OPRM1: variants seen among roughly 807,000 people sequenced by gnomAD.
OPRM1 encodes mu-type opioid receptor.
A neutral mutation model predicts 31.8 loss-of-function variants in OPRM1; 27 were observed. The observed-to-expected ratio is 0.85, with a 90% CI of 0.63 to 1.17. The LOEUF is 1.17. Among genes scored for constraint, OPRM1 ranks in the 50% most tolerant of loss-of-function variants. The pLI is 0.00. For synonymous variants in OPRM1, 196 were observed against 189.9 expected (o/e 1.03, Z -0.26); for missense variants, 536 against 511.1 (o/e 1.05, Z -0.47).
chr6:154,152,902 ATTTT>A (rs34724351), intron 3 of OPRM1, among the ~76,000 whole-genome samples: 11 of 143,898 alleles, frequency 7.6e-5, no homozygotes, highest in African/African-American at 2.3e-4. Context: ...ACACCTAGCT[ATTTT>A]TTTTTTTTTT....
chr6:154,109,421 A>G (rs1308487453), intron 3 of OPRM1, among the ~76,000 whole-genome samples: 1 of 152,228 alleles, frequency 6.6e-6, no homozygotes, highest in African/African-American at 2.4e-5. Flanking sequence ...CAACTTGATG[A>G]GTTTAGAATT....
At chr6:154,087,550 G>A in intron 1 of OPRM1, 1 of 985,448 alleles carries the variant, frequency 1.0e-6, no homozygotes, top group Non-Finnish European at 1.2e-6. Context: ...AGCTCCTCCA[G>A]CAACTACATA....
chr6:154,143,206 C>T (rs1798267138), intron 3 of OPRM1, among the ~76,000 whole-genome samples: 1 of 152,086 alleles, frequency 6.6e-6, no homozygotes, highest in African/African-American at 2.4e-5. Context: ...GTAAGCCAAA[C>T]TGCTTATGTG....
intron 3 of OPRM1, among the ~76,000 whole-genome samples, chr6:154,190,650 C>T (rs1801791742): frequency 6.6e-6 from 1 of 152,166 alleles, no homozygotes; most frequent in South Asian, 2.1e-4. Context: ...AGCAATTGTA[C>T]TCATTGCTAT....
rs114255251 is a variant in OPRM1 at position 154,097,611 on chromosome 6, G to A, written c.1164+6139G>A. On this transcript the variant is annotated intron_variant, in intron 3 of 3. Transcript: ENST00000330432. ...CGTGTGTGTGTGTGTGTGTGTGTGC[G>A]TGTGATATAGGCATGTCTCTTTTTG... Among the ~76,000 whole-genome samples, 1,325 of 152,098 alleles carry A rather than the reference G, an allele frequency of 8.7e-3. 21 individuals carry two copies. The highest frequency in any genetic ancestry group is 0.03 in the African/African-American group (1,254 of 41,500).
chr6:154,197,934 T>C, intron 3 of OPRM1, among the ~76,000 whole-genome samples: 1 of 152,224 alleles, frequency 6.6e-6, no homozygotes, highest in Non-Finnish European at 1.5e-5. Context: ...TTATTTTCTT[T>C]AGTTTCACCA....
intron 1 of OPRM1, among the ~76,000 whole-genome samples, chr6:154,065,612 G>A (rs1178081808): frequency 6.6e-6 from 1 of 152,052 alleles, no homozygotes; most frequent in Non-Finnish European, 1.5e-5. Flanking sequence ...TGTTGACTTT[G>A]TATTCTGCTA....
At chr6:154,029,410 T>A (rs1321239372) in intron 1 of OPRM1, among the ~76,000 whole-genome samples, 1 of 152,206 alleles carries the variant, frequency 6.6e-6, no homozygotes, top group Non-Finnish European at 1.5e-5. Flanking sequence ...AAAAAATTCA[T>A]AAACCTATTT....
At chr6:154,092,077 T>C (rs1294047246) in intron 3 of OPRM1, 3 of 229,016 alleles carry the variant, frequency 1.3e-5, no homozygotes, top group African/African-American at 7.0e-5. Context: ...TATTAATATG[T>C]GAATATTAAT....
intron 3 of OPRM1, among the ~76,000 whole-genome samples, chr6:154,109,767 C>CCTCTCTCTCTCTCT (rs60360261): frequency 7.8e-6 from 1 of 127,510 alleles, no homozygotes; most frequent in African/African-American, 3.0e-5. Context: ...ACTCTCTCTC[C>CCTCTCTCTCTCTCT]CTCTCTCTCT....
At chr6:154,166,310 T>C (rs1799425008) in intron 3 of OPRM1, among the ~76,000 whole-genome samples, 1 of 152,208 alleles carries the variant, frequency 6.6e-6, no homozygotes, top group African/African-American at 2.4e-5. Context: ...GAGGGCATGG[T>C]GCCGTAAAGA....
chr6:154,161,868 A>G (rs1799049113), intron 3 of OPRM1, among the ~76,000 whole-genome samples: 1 of 152,202 alleles, frequency 6.6e-6, no homozygotes, highest in Non-Finnish European at 1.5e-5. Context: ...AACCACTGCC[A>G]GTAAGTGGAT....
chr6:154,192,304 T>C (rs549993970), intron 3 of OPRM1, among the ~76,000 whole-genome samples: 165 of 136,254 alleles, frequency 1.2e-3, no homozygotes, highest in African/African-American at 4.1e-3. Flanking sequence ...ACCCAAATGG[T>C]GGCCACGTGG....
At chr6:154,110,908 A>AAG (rs1167440027) in intron 3 of OPRM1, among the ~76,000 whole-genome samples, 3 of 110,612 alleles carry the variant, frequency 2.7e-5, no homozygotes, top group Non-Finnish European at 4.6e-5. Context: ...AAAAAAAAAA[A>AAG]AGAGAGAATT....
chr6:154,157,907 A>G (rs1210655101), intron 3 of OPRM1: 1 of 151,688 alleles, frequency 6.6e-6, no homozygotes, highest in African/African-American at 2.4e-5. Flanking sequence ...TGAGGATCTG[A>G]ATGTTCTCTC....
At chr6:154,032,609 G>C (rs1779076360) in intron 1 of OPRM1, among the ~76,000 whole-genome samples, 1 of 151,916 alleles carries the variant, frequency 6.6e-6, no homozygotes, top group African/African-American at 2.4e-5. Flanking sequence ...ATAATTTTTT[G>C]TTTTTGTAGA....
chr6:154,087,347 CCAACAG>C (rs1310530859), intron 1 of OPRM1: 21 of 985,322 alleles, frequency 2.1e-5, no homozygotes, highest in Non-Finnish European at 2.5e-5. Context: ...GGGCCTCCAA[CCAACAG>C]CTGTCTTGGG....
chr6:154,131,253 G>T lies in OPRM1; in HGVS notation c.*12532G>T, dbSNP rs764767938. ...TCCGTAGGAAAAAAATCAAAATATT[G>T]TAAAGAATCTGAGTAAATGAGAGCC... On this transcript the variant is annotated 3_prime_UTR_variant, in exon 4 of 4. Transcript: ENST00000330432. Among the ~76,000 whole-genome samples the T allele has an allele frequency of 7.2e-5, 11 of 152,122 alleles. No homozygotes were observed. Among genetic ancestry groups the T allele is most frequent in the Non-Finnish European group, 1.5e-4 (10 of 68,018 alleles).
chr6:154,086,262 T>G (rs1403214972), intron 1 of OPRM1, among the ~76,000 whole-genome samples: 1 of 152,220 alleles, frequency 6.6e-6, no homozygotes, highest in Non-Finnish European at 1.5e-5. Context: ...TAGAAGATCG[T>G]TGAGCCCCCT....
Sources: gnomAD v4.1 joint callset for allele counts (sites outside exome capture counted in the v4.1 genomes callset) on GRCh38, gnomAD v4.1.1 for gene constraint, MANE v1.5 for transcripts, NCBI Gene and HGNC (gene_info 2026-07-23, HGNC 2026-07-21) for gene names.